Variants in DPH7 observed in about 807,000 individuals in gnomAD.
The protein encoded by DPH7 is diphthamide biosynthesis 7.
DPH7 carries 44 observed loss-of-function variants against 41.7 expected under a neutral mutation model. That is an observed-to-expected ratio of 1.05 (90% CI 0.83 to 1.36). The LOEUF is 1.36. Among genes scored for constraint, DPH7 ranks in the 40% most tolerant of loss-of-function variants. The probability of loss-of-function intolerance (pLI) is 0.00; values close to 1 mark genes in which losing one functional copy is unlikely to be tolerated. For synonymous variants in DPH7, 275 were observed against 238.0 expected (o/e 1.16, Z -1.43); for missense variants, 629 against 577.5 (o/e 1.09, Z -0.91).
intron 5 of DPH7, among the ~76,000 whole-genome samples, chr9:137,573,144 G>A (rs568272264): frequency 1.3e-5 from 2 of 152,102 alleles, no homozygotes; most frequent in South Asian, 2.1e-4. Context: ...AGTGGATCAC[G>A]AGGTCAGGAG....
At position 137,571,149 on chromosome 9, in the gene DPH7, C is replaced by G. The variant is rs190639800; in HGVS notation, c.640+3059G>C. The stretch of plus-strand genomic sequence containing the variant: ...CTCCAGCTTGGGTGACACAGCAAGA[C>G]GTGAACCACCCACCCCATCCTCAAA... On this transcript the variant is annotated intron_variant, in intron 5 of 8. Coordinates refer to ENST00000277540, the MANE Select transcript of DPH7 (RefSeq NM_138778.5). 2.6e-5 allele frequency among the ~76,000 whole-genome samples: 4 copies of G among 152,004 alleles called. No homozygotes were observed. In the East Asian group the frequency reaches 7.8e-4, roughly 30 times the overall value.
Position 137,561,267 on chromosome 9 carries a change from G to C in DPH7, c.949+3167C>G, listed in dbSNP as rs772616881. On this transcript the variant is annotated intron_variant, in intron 8 of 8. Transcript: ENST00000277540. ...AAATTTCACAAAAATGGAACAATGT[G>C]GCATCATAGGCCCTTGATGTGAGGA... 3.3e-5 allele frequency among the ~76,000 whole-genome samples: 5 copies of C among 152,208 alleles called. No individual in the cohort carries two copies. The South Asian group carries it at 1.0e-3, about 32-fold the overall frequency.
chr9:137,575,915 G>C lies in DPH7; in HGVS notation c.375+165C>G, dbSNP rs1283242939. On this transcript the variant is annotated intron_variant, in intron 3 of 8. Transcript: ENST00000277540. Reference sequence around the variant, plus strand: ...TTCCTCTTGGAGTTGGATGTAGAACGCAATACAACTTAAAAATAGACTCCA... The same window carrying C: ...TTCCTCTTGGAGTTGGATGTAGAACCCAATACAACTTAAAAATAGACTCCA... 5 of 1,425,118 alleles carry C rather than the reference G, an allele frequency of 3.5e-6. No homozygotes were observed. The East Asian group carries it at 1.3e-4, about 36-fold the overall frequency. The allele number at this position is 1,425,118 out of a possible 1,614,324, so 88.3% of individuals were successfully genotyped here. A position where few individuals can be genotyped will look rare whatever the true frequency, so the allele number is the denominator to read the frequency against.
At chr9:137,564,408 C>G in intron 8 of DPH7, 26 bp downstream of exon 8, 1 of 1,598,488 alleles carries the variant, frequency 6.3e-7, no homozygotes, top group Non-Finnish European at 8.5e-7. Context: ...TGCCCTGAGG[C>G]CCAGCAGCCA....
intron 5 of DPH7, among the ~76,000 whole-genome samples, chr9:137,571,229 C>T (rs1454129112): frequency 6.6e-6 from 1 of 152,004 alleles, no homozygotes; most frequent in Non-Finnish European, 1.5e-5. Flanking sequence ...GCTCTCTCGC[C>T]AGGCTGGAGT....
At chr9:137,571,600 C>T (rs1840447829) in intron 5 of DPH7, among the ~76,000 whole-genome samples, 2 of 151,848 alleles carry the variant, frequency 1.3e-5, no homozygotes. Context: ...CCAGCCTGGG[C>T]AACATGGTAA....
intron 8 of DPH7, among the ~76,000 whole-genome samples, chr9:137,558,152 G>GA (rs1170396588): frequency 6.6e-6 from 1 of 151,826 alleles, no homozygotes; most frequent in African/African-American, 2.4e-5. Context: ...GAAAGAAAAA[G>GA]AAAAAAAGGC....
At position 137,556,999 on chromosome 9, in the gene DPH7, T is replaced by C. The variant is rs1588773778; in HGVS notation, c.950-1351A>G. On this transcript the variant is annotated intron_variant, in intron 8 of 8. Coordinates refer to ENST00000277540, the MANE Select transcript of DPH7 (RefSeq NM_138778.5). The surrounding 1 kb of genome is among the most constrained non-coding windows in gnomAD (Gnocchi z 5.2). ...CAAGACAGGACCTCACTCTGTCGCA[T>C]AGGCTGGAGTGCACTGACCTGGGCT... 4 of 433,214 alleles carry C rather than the reference T, an allele frequency of 9.2e-6. No homozygotes were observed. Among genetic ancestry groups the C allele is most frequent in the South Asian group, 6.6e-5 (4 of 60,360 alleles). The allele number at this position is 433,214 out of a possible 1,614,324, so 26.8% of individuals were successfully genotyped here.
rs560027419 is a variant in DPH7 at position 137,555,605 on chromosome 9, G to A, written c.993C>T (p.Pro331=). The change falls in exon 9 of 9, where the codon CCC becomes CCT. Residue 331 remains proline, a synonymous_variant. Transcript: ENST00000277540. The part of the protein sequence containing the change: ...EATVLTSHTL[P]DSLVYGADWS... The stretch of plus-strand genomic sequence containing the variant: ...AGTCGGCTCCATACACCAGCGAGTC[G>A]GGCAATGTGTGAGATGTCAGGACCG... 9.3e-6 allele frequency: 15 copies of A among 1,611,986 alleles called. No individual in the cohort carries two copies. Among genetic ancestry groups the A allele is most frequent in the East Asian group, 6.7e-5 (3 of 44,834 alleles).
At chr9:137,577,404 G>A (rs1205299449) in intron 2 of DPH7, 66 bp downstream of exon 2, 7 of 1,484,954 alleles carry the variant, frequency 4.7e-6, no homozygotes, top group South Asian at 3.6e-5. Context: ...AAGGCATCAG[G>A]CATCAGGCTT....
At chr9:137,563,621 T>G (rs988771100) in intron 8 of DPH7, among the ~76,000 whole-genome samples, 2 of 151,430 alleles carry the variant, frequency 1.3e-5, no homozygotes, top group Non-Finnish European at 2.9e-5. Context: ...AAACTGGCCT[T>G]GGGAACAGGT....
intron 5 of DPH7, among the ~76,000 whole-genome samples, chr9:137,568,651 G>A (rs942982810): frequency 7.8e-4 from 119 of 152,178 alleles, no homozygotes; most frequent in African/African-American, 2.8e-3. Context: ...TCAACAGGAG[G>A]TCCCAGAAAC....
At chr9:137,564,340 G>T in intron 8 of DPH7, 94 bp downstream of exon 8, 1 of 1,451,670 alleles carries the variant, frequency 6.9e-7, no homozygotes, top group African/African-American at 1.4e-5. Flanking sequence ...AGCAGAGCAA[G>T]GGAGCAGGGA....
intron 8 of DPH7, among the ~76,000 whole-genome samples, chr9:137,561,131 A>G (rs1261451264): frequency 2.0e-5 from 3 of 152,166 alleles, no homozygotes; most frequent in Non-Finnish European, 4.4e-5. Context: ...AAAGGGAGTT[A>G]TTGACACAGG....
Position 137,564,958 on chromosome 9 carries a change from T to C in DPH7, c.711A>G (p.Arg237=). 6.3e-7 allele frequency: 1 copy of C among 1,595,148 alleles called. No individual in the cohort carries two copies. The highest frequency in any genetic ancestry group is 8.5e-7 in the Non-Finnish European group (1 of 1,170,702). The part of the protein sequence containing the change: ...VPGKFLFTSK[R]HTMGVCSIQS... ...GGATGCTGCACACACCCATGGTGTG[T>C]CTGCAAGCAGAGGCGGCTTCTGAAC... The change falls in exon 7 of 9, where the codon AGA becomes AGG. Residue 237 remains arginine, a splice_region_variant and synonymous_variant. Transcript: ENST00000277540.
chr9:137,576,123 T>A lies in DPH7; in HGVS notation c.332A>T (p.Asp111Val). 1 of 1,613,932 alleles carries A rather than the reference T, an allele frequency of 6.2e-7. No individual in the cohort carries two copies. Among genetic ancestry groups the A allele is most frequent in the Non-Finnish European group, 8.5e-7 (1 of 1,180,036 alleles). ...GAGCAGTTGTATGGATCCACTGGCA[T>A]CTGCCAAGCCCAAGAGGGCATGTCC... ...VAGHALLGLA[D>V]ASGSIQLLRL... The change falls in exon 3 of 9, where the codon GAT becomes GTT. Residue 111 changes from aspartate to valine, a missense_variant. Physicochemically the swap from Asp to Val is radical, Grantham distance 152. Transcript: ENST00000277540.
At position 137,576,217 on chromosome 9, in the gene DPH7, G is replaced by A. The variant is rs183105278; in HGVS notation, c.288-50C>T. 5.9e-5 allele frequency: 90 copies of A among 1,529,778 alleles called. 1 individual carries two copies. In the South Asian group the frequency reaches 7.3e-4, roughly 12 times the overall value. 94.8% of individuals were successfully genotyped at this position (1,529,778 alleles called of 1,614,324 possible). Reference sequence around the variant, plus strand: ...ACACCAATGTGCCCGGAGCACAGGCGTGCACTGTGCGTCCCGGTAACCACA... The same window carrying A: ...ACACCAATGTGCCCGGAGCACAGGCATGCACTGTGCGTCCCGGTAACCACA... On this transcript the variant is annotated intron_variant, in intron 2 of 8. Transcript: ENST00000277540.
chr9:137,564,459 C>A lies in DPH7; in HGVS notation c.924G>T (p.Lys308Asn). 6.2e-7 allele frequency: 1 copy of A among 1,613,840 alleles called. No homozygotes were observed. Among genetic ancestry groups the A allele is most frequent in the Non-Finnish European group, 8.5e-7 (1 of 1,179,866 alleles). ...CCATTGCCTTTTGGCAGTTGAGGAT[C>A]TTAAAGCCACTGTGCATGCAGGCGG... is the stretch of plus-strand genomic sequence containing the variant. ...LLAACMHSGF[K>N]ILNCQKAMEE... is the part of the protein sequence containing the mutation. The change falls in exon 8 of 9, where the codon AAG (lysine) becomes AAT (asparagine). Residue 308 changes from lysine (K) to asparagine (N), a missense_variant. Coordinates refer to ENST00000277540, the MANE Select transcript of DPH7 (RefSeq NM_138778.5).
chr9:137,555,163 G>T lies in DPH7; in HGVS notation c.*76C>A. On this transcript the variant is annotated 3_prime_UTR_variant, in exon 9 of 9. Transcript: ENST00000277540. ...CTGCAGGGCTGCAGTAAGCATCTCT[G>T]ATGAGGTGGTCCCGGGCACTCACTC... 6.7e-7 allele frequency: 1 copy of T among 1,503,072 alleles called. No individual in the cohort carries two copies. Among genetic ancestry groups the T allele is most frequent in the South Asian group, 1.3e-5 (1 of 74,326 alleles). 93.1% of individuals were successfully genotyped at this position (1,503,072 alleles called of 1,614,324 possible).
Sources: gnomAD v4.1 joint callset for allele counts (sites outside exome capture counted in the v4.1 genomes callset) on GRCh38, gnomAD v4.1.1 for gene constraint, Gnocchi (gnomAD v3.1) non-coding constraint, MANE v1.5 for transcripts, NCBI Gene and HGNC (gene_info 2026-07-23, HGNC 2026-07-21) for gene names.